The following RBFOX1 variants were observed in gnomAD, a reference collection of about 807,000 sequenced individuals.
RBFOX1 encodes the protein RNA binding fox-1 homolog 1, also known as RNA binding protein fox-1 homolog 1.
A neutral mutation model predicts 57.7 loss-of-function variants in RBFOX1; 8 were observed. That is an observed-to-expected ratio of 0.14 (90% CI 0.08 to 0.25). RBFOX1 has a LOEUF of 0.25. Ranked by LOEUF, RBFOX1 falls within the 10% of genes least tolerant of loss-of-function variation. The probability of loss-of-function intolerance (pLI) is 1.00; values close to 1 mark genes in which losing one functional copy is unlikely to be tolerated. For missense variants in RBFOX1, 611 were observed against 548.5 expected, an observed-to-expected ratio of 1.11 and a Z score of -1.14; for synonymous variants, 326 against 222.4, an observed-to-expected ratio of 1.47 and a Z score of -4.15.
intron 1 of RBFOX1, among the ~76,000 whole-genome samples, chr16:5,440,539 G>C (rs1440109715): frequency 1.3e-5 from 2 of 152,174 alleles, no homozygotes; most frequent in African/African-American, 4.8e-5. Flanking sequence ...TTTTCCAGGA[G>C]AATTTCAGCT....
intron 4 of RBFOX1, among the ~76,000 whole-genome samples, chr16:5,922,935 A>C (rs961078475): frequency 6.6e-6 from 1 of 152,044 alleles, no homozygotes; most frequent in Non-Finnish European, 1.5e-5. Context: ...CTTGAGGGGG[A>C]AGTGATGGGC....
chr16:6,890,422 G>C (rs991407766), intron 3 of RBFOX1, among the ~76,000 whole-genome samples: 1 of 152,188 alleles, frequency 6.6e-6, no homozygotes, highest in Non-Finnish European at 1.5e-5. Context: ...GGAAGGCTGA[G>C]GCTGGAGGAT....
intron 4 of RBFOX1, among the ~76,000 whole-genome samples, chr16:7,111,927 C>G (rs1263241656): frequency 6.6e-6 from 1 of 152,112 alleles, no homozygotes; most frequent in Non-Finnish European, 1.5e-5. Flanking sequence ...TGGTCTCATT[C>G]ACAATTGATA....
At chr16:7,029,061 T>TATACATATATATATATATATATATAC (rs1311760824) in intron 3 of RBFOX1, among the ~76,000 whole-genome samples, 1 of 30,914 alleles carries the variant, frequency 3.2e-5, no homozygotes, top group African/African-American at 2.3e-4. Flanking sequence ...TATATATATA[T>TATACATATATATATATATATATATAC]ATATATATAT....
intron 3 of RBFOX1, among the ~76,000 whole-genome samples, chr16:6,867,815 G>C (rs998895175): frequency 6.6e-6 from 1 of 152,150 alleles, no homozygotes; most frequent in East Asian, 1.9e-4. Context: ...TTTATCCCTT[G>C]ATCCTGGTGT....
intron 4 of RBFOX1, among the ~76,000 whole-genome samples, chr16:7,510,579 G>T (rs1285745476): frequency 2.0e-5 from 3 of 152,202 alleles, no homozygotes; most frequent in African/African-American, 7.2e-5. Flanking sequence ...CTTAGAACCA[G>T]CAGGTTAATG....
At chr16:5,582,160 C>A (rs763099837) in intron 2 of RBFOX1, among the ~76,000 whole-genome samples, 2 of 152,188 alleles carry the variant, frequency 1.3e-5, no homozygotes, top group Non-Finnish European at 2.9e-5. Context: ...GTATTACTCT[C>A]GCCCCGGGAG....
intron 3 of RBFOX1, among the ~76,000 whole-genome samples, chr16:5,634,107 CT>C (rs2048607264): frequency 1.3e-5 from 2 of 152,154 alleles, no homozygotes; most frequent in East Asian, 3.9e-4. Context: ...GATCCTTACC[CT>C]TTACCTTTTA....
chr16:6,302,755 A>G (rs1157861358), intron 1 of RBFOX1, among the ~76,000 whole-genome samples: 1 of 152,224 alleles, frequency 6.6e-6, no homozygotes, highest in Non-Finnish European at 1.5e-5. Flanking sequence ...AGAGAGTTAA[A>G]TAACCTAATC....
chr16:5,255,334 A>ATCATCCC (rs2062559461), intron 1 of RBFOX1, among the ~76,000 whole-genome samples: 1 of 137,018 alleles, frequency 7.3e-6, no homozygotes, highest in South Asian at 2.4e-4. Flanking sequence ...CCATCCATCC[A>ATCATCCC]TCCATCCATC....
chr16:6,468,746 C>T (rs757567265), intron 2 of RBFOX1, among the ~76,000 whole-genome samples: 2 of 151,972 alleles, frequency 1.3e-5, no homozygotes, highest in Non-Finnish European at 2.9e-5. Context: ...CTCTTTTCTA[C>T]TTCTTTCTGC....
At chr16:7,308,921 T>C (rs1274160872) in intron 4 of RBFOX1, among the ~76,000 whole-genome samples, 2 of 152,228 alleles carry the variant, frequency 1.3e-5, no homozygotes, top group African/African-American at 4.8e-5. Context: ...TGATGATTTA[T>C]AGGGGGCCAA....
chr16:6,560,421 A>C (rs2097165517), intron 2 of RBFOX1, among the ~76,000 whole-genome samples: 1 of 152,146 alleles, frequency 6.6e-6, no homozygotes, highest in Admixed American at 6.5e-5. Flanking sequence ...ACATTTTGGC[A>C]TAAAGCCAGC....
intron 1 of RBFOX1, among the ~76,000 whole-genome samples, chr16:5,363,014 A>T (rs1596665867): frequency 6.9e-6 from 1 of 145,516 alleles, no homozygotes; most frequent in East Asian, 2.2e-4. Context: ...TATCTCTTTG[A>T]GATGATGATT....
chr16:6,899,665 C>G (rs1033781037), intron 3 of RBFOX1, among the ~76,000 whole-genome samples: 4 of 152,234 alleles, frequency 2.6e-5, no homozygotes, highest in Non-Finnish European at 4.4e-5. Flanking sequence ...CCTCCTCAAG[C>G]AAGTGTCAAT....
intron 3 of RBFOX1, among the ~76,000 whole-genome samples, chr16:6,942,981 A>G (rs2078823870): frequency 6.6e-6 from 1 of 152,158 alleles, no homozygotes; most frequent in Non-Finnish European, 1.5e-5. Context: ...GTGGTTGAAA[A>G]AAGCAAAATG....
At chr16:5,425,794 C>A (rs561979548) in intron 1 of RBFOX1, among the ~76,000 whole-genome samples, 1 of 152,278 alleles carries the variant, frequency 6.6e-6, no homozygotes, top group East Asian at 1.9e-4. Flanking sequence ...TGGAACCCCC[C>A]ACGTCCCTGA....
intron 5 of RBFOX1, among the ~76,000 whole-genome samples, chr16:7,570,392 A>G (rs1383551414): frequency 6.6e-6 from 1 of 152,164 alleles, no homozygotes; most frequent in African/African-American, 2.4e-5. Flanking sequence ...CAGAACTTCA[A>G]CATCTCTAAT....
chr16:6,648,616 T>A (rs549060213), intron 2 of RBFOX1, among the ~76,000 whole-genome samples: 7 of 152,262 alleles, frequency 4.6e-5, no homozygotes, highest in African/African-American at 1.7e-4. Flanking sequence ...CTTGGTAGCA[T>A]GCATCGACGG....
Sources: allele counts gnomAD v4.1 joint callset (sites outside exome capture counted in the v4.1 genomes callset), GRCh38; gene constraint gnomAD v4.1.1; transcripts MANE v1.5; gene names NCBI Gene and HGNC (gene_info 2026-07-23, HGNC 2026-07-21).